The following NEURL1B variants were observed in gnomAD, a reference collection of about 807,000 sequenced individuals.
The protein encoded by NEURL1B is neuralized E3 ubiquitin protein ligase 1B.
A neutral mutation model predicts 37.4 loss-of-function variants in NEURL1B; 13 were observed. The ratio of observed to expected loss-of-function variants is 0.35; its 90% CI spans 0.23 to 0.55. The LOEUF (loss-of-function observed/expected upper bound fraction) is 0.55, where lower values mean the gene tolerates loss of function less well. NEURL1B is among the 20% of genes least tolerant of loss of function. NEURL1B has a pLI of 0.89. For synonymous variants in NEURL1B, 432 were observed against 426.6 expected (o/e 1.01, Z -0.16); for missense variants, 790 against 879.2 (o/e 0.90, Z 1.28).
At chr5:172,669,044 CTCAGTAATATATATCA>C (rs1340889656) in intron 1 of NEURL1B, among the ~76,000 whole-genome samples, 2 of 152,144 alleles carry the variant, frequency 1.3e-5, no homozygotes, top group East Asian at 3.9e-4. Context: ...GCTTTGGAAC[CTCAGTAATATATATCA>C]TCAGTAATAA....
intron 1 of NEURL1B, among the ~76,000 whole-genome samples, chr5:172,648,236 C>T (rs752872150): frequency 6.6e-6 from 1 of 152,192 alleles, no homozygotes; most frequent in African/African-American, 2.4e-5. Context: ...ATGATGTTAC[C>T]TCTCAGGCAT....
chr5:172,684,287 G>C (rs193174548), intron 3 of NEURL1B, 149 bp downstream of exon 3: 545 of 665,216 alleles, frequency 8.2e-4, no homozygotes, highest in Non-Finnish European at 1.1e-3. Flanking sequence ...AAGCGCCCGG[G>C]CACGATCCAC....
Position 172,690,601 on chromosome 5 carries a change from AAG to A in NEURL1B, c.*3679_*3680del. On this transcript the variant is annotated 3_prime_UTR_variant, in exon 5 of 5. Coordinates refer to ENST00000369800, the MANE Select transcript of NEURL1B (RefSeq NM_001142651.3). The stretch of plus-strand genomic sequence containing the variant: ...CTGTGATGCTGGCAGAGGTGACACT[AAG>A]AGGGAAATGAGATATTTGGGGCAGA... The A allele has an allele frequency of 6.6e-6, 1 of 152,348 alleles. No homozygotes were observed. The highest frequency in any genetic ancestry group is 6.5e-5 in the Admixed American group (1 of 15,296). 9.4% of individuals were successfully genotyped at this position (152,348 alleles called of 1,614,324 possible). A position where few individuals can be genotyped will look rare whatever the true frequency, so the allele number is the denominator to read the frequency against.
At chr5:172,672,547 C>CCA (rs1554098439) in intron 2 of NEURL1B, among the ~76,000 whole-genome samples, 1 of 147,080 alleles carries the variant, frequency 6.8e-6, no homozygotes, top group Non-Finnish European at 1.5e-5. Context: ...CTCTCCCCCC[C>CCA]CCACTCTATT....
chr5:172,656,502 C>A, intron 1 of NEURL1B: 1 of 1,602,952 alleles, frequency 6.2e-7, no homozygotes, highest in South Asian at 1.1e-5. Flanking sequence ...ACCATCTCCT[C>A]AGGCACAAGG....
intron 1 of NEURL1B, among the ~76,000 whole-genome samples, chr5:172,653,480 T>C (rs1297584049): frequency 6.6e-6 from 1 of 152,212 alleles, no homozygotes. Context: ...TTTTAACCTT[T>C]TATAATTTTT....
intron 1 of NEURL1B, among the ~76,000 whole-genome samples, chr5:172,643,776 G>C (rs982792153): frequency 2.0e-5 from 3 of 152,140 alleles, no homozygotes; most frequent in Non-Finnish European, 4.4e-5. Context: ...ACATGCGTGG[G>C]GTTCTTTCTG....
chr5:172,644,048 C>T (rs1047877830), intron 1 of NEURL1B, among the ~76,000 whole-genome samples: 6 of 151,996 alleles, frequency 3.9e-5, no homozygotes, highest in Admixed American at 6.6e-5. Flanking sequence ...CTCCTTAGCA[C>T]GTGTCACTAT....
At position 172,688,842 on chromosome 5, in the gene NEURL1B, C is replaced by A. The variant is rs549030499; in HGVS notation, c.*1917C>A. On this transcript the variant is annotated 3_prime_UTR_variant, in exon 5 of 5. Transcript: ENST00000369800. This position sits in a 1 kb window ranked among gnomAD's most constrained non-coding sequence, Gnocchi z 4.3. The stretch of plus-strand genomic sequence containing the variant: ...GTTTCCTGCATGTGCTGGGTGTGGG[C>A]GGGGCCACGCACAGGCCCTGCATGG... 7 of 152,364 alleles carry A rather than the reference C, an allele frequency of 4.6e-5. No homozygotes were observed. In the East Asian group the frequency reaches 1.3e-3, roughly 29 times the overall value. The allele number at this position is 152,364 out of a possible 1,614,324, so 9.4% of individuals were successfully genotyped here.
chr5:172,684,031 G>C lies in NEURL1B; in HGVS notation c.1190G>C (p.Gly397Ala), dbSNP rs1581440382. 1 of 1,337,686 alleles carries C rather than the reference G, an allele frequency of 7.5e-7. No homozygotes were observed. Among genetic ancestry groups the C allele is most frequent in the African/African-American group, 1.5e-5 (1 of 64,782 alleles). The allele number at this position is 1,337,686 out of a possible 1,614,324, so 82.9% of individuals were successfully genotyped here. ...CGGCCCGGCGGCGACGTGCTCCTGG[G>C]CATCAACGGGCGTCCGCGCGGCCGC... ...TLRPGGDVLL[G>A]INGRPRGRLL... The change falls in exon 3 of 5, where the codon GGC (glycine) becomes GCC (alanine). Residue 397 changes from glycine to alanine, a missense_variant. Gly to Ala is a moderately conservative substitution (Grantham distance 60, BLOSUM62 0). This residue lies in a region of NEURL1B where 460 missense variants were observed against 407.4 expected (regional missense o/e 1.13). Coordinates refer to ENST00000369800, the MANE Select transcript of NEURL1B (RefSeq NM_001142651.3).
At chr5:172,658,617 C>T (rs1757837703) in intron 1 of NEURL1B, among the ~76,000 whole-genome samples, 1 of 152,188 alleles carries the variant, frequency 6.6e-6, no homozygotes, top group Admixed American at 6.5e-5. Context: ...ACTTTGCCGT[C>T]AGGAGCCATA....
At chr5:172,659,824 G>C (rs1302646065) in intron 1 of NEURL1B, among the ~76,000 whole-genome samples, 1 of 152,124 alleles carries the variant, frequency 6.6e-6, no homozygotes, top group Non-Finnish European at 1.5e-5. Context: ...TGCTGGTGCT[G>C]TTCCCTCTGC....
intron 2 of NEURL1B, among the ~76,000 whole-genome samples, chr5:172,680,793 G>A (rs2113326069): frequency 6.6e-6 from 1 of 152,228 alleles, no homozygotes; most frequent in Non-Finnish European, 1.5e-5. Context: ...TTCATTTGAT[G>A]TTATATCATA....
intron 1 of NEURL1B, among the ~76,000 whole-genome samples, chr5:172,663,829 T>TTTTTTTTAATTATTATTATTATTA (rs138220033): frequency 1.4e-5 from 2 of 140,846 alleles, no homozygotes; most frequent in South Asian, 4.7e-4. Context: ...GTTTTATTTG[T>TTTTTTTTAATTATTATTATTATTA]TTATTATTAT....
chr5:172,655,277 C>T (rs575407177), intron 1 of NEURL1B, among the ~76,000 whole-genome samples: 1 of 151,916 alleles, frequency 6.6e-6, no homozygotes, highest in East Asian at 1.9e-4. Context: ...GCCTTGCCTG[C>T]CCTGGAAGGC....
intron 2 of NEURL1B, among the ~76,000 whole-genome samples, chr5:172,673,877 A>T (rs908201085): frequency 6.6e-6 from 1 of 151,822 alleles, no homozygotes; most frequent in East Asian, 1.9e-4. Context: ...GGTGGCTCAC[A>T]TCTGTAATCC....
At chr5:172,670,379 G>C (rs1051510903) in intron 2 of NEURL1B, 49 bp downstream of exon 2, 1 of 1,304,564 alleles carries the variant, frequency 7.7e-7, no homozygotes, top group Admixed American at 4.0e-5. Flanking sequence ...CGGTGCCTTT[G>C]CGCGTGGGTG....
chr5:172,686,369 T>C lies in NEURL1B; in HGVS notation c.1423+73T>C. 6.8e-7 allele frequency: 1 copy of C among 1,480,834 alleles called. No homozygotes were observed. The allele number at this position is 1,480,834 out of a possible 1,614,324, so 91.7% of individuals were successfully genotyped here. A position where few individuals can be genotyped will look rare whatever the true frequency, so the allele number is the denominator to read the frequency against. ...GGCTCCTCCGGCTGTGCCAGTGGCC[T>C]TCCAGGGACTGAGCAGGGTGGCCGC... is the stretch of plus-strand genomic sequence containing the variant. On this transcript the variant is annotated intron_variant, in intron 4 of 4. Coordinates refer to ENST00000369800, the MANE Select transcript of NEURL1B (RefSeq NM_001142651.3). This position sits in a 1 kb window ranked among gnomAD's most constrained non-coding sequence, Gnocchi z 7.9.
intron 2 of NEURL1B, among the ~76,000 whole-genome samples, chr5:172,681,519 C>T (rs1436665349): frequency 6.6e-6 from 1 of 152,238 alleles, no homozygotes; most frequent in Admixed American, 6.5e-5. Context: ...AGAGTCCAAA[C>T]AAGTAGCTGA....
Sources: gnomAD v4.1 joint callset for allele counts (sites outside exome capture counted in the v4.1 genomes callset) on GRCh38, gnomAD v4.1.1 for gene constraint, gnomAD v4.1.1 regional missense constraint, Gnocchi (gnomAD v3.1) non-coding constraint, MANE v1.5 for transcripts, NCBI Gene and HGNC (gene_info 2026-07-23, HGNC 2026-07-21) for gene names.